The following PKIB variants were observed in gnomAD, a reference collection of about 807,000 sequenced individuals.
The protein encoded by PKIB is PKI-beta.
A neutral mutation model predicts 4.5 loss-of-function variants in PKIB; 2 were observed. That is an observed-to-expected ratio of 0.44 (90% CI 0.18 to 1.39). The LOEUF (loss-of-function observed/expected upper bound fraction) is 1.39, where lower values mean the gene tolerates loss of function less well. PKIB is among the 40% of genes most tolerant of loss of function. The pLI is 0.27. For synonymous variants in PKIB, 38 were observed against 36.0 expected, an observed-to-expected ratio of 1.06 and a Z score of -0.20; for missense variants, 94 against 92.6, an observed-to-expected ratio of 1.02 and a Z score of -0.06.
chr6:122,714,994 C>T (rs1021062494), intron 3 of PKIB, among the ~76,000 whole-genome samples: 1 of 151,672 alleles, frequency 6.6e-6, no homozygotes, highest in African/African-American at 2.4e-5. Context: ...ACCATCTTGG[C>T]CAGGCTGGTC....
At chr6:122,480,710 C>G (rs1046760890) in intron 2 of PKIB, 3 of 151,986 alleles carry the variant, frequency 2.0e-5, no homozygotes, top group Non-Finnish European at 2.9e-5. Context: ...TTTTTTCAAA[C>G]AATTTTTAGT....
At chr6:122,581,592 A>G (rs1476084445) in intron 2 of PKIB, among the ~76,000 whole-genome samples, 1 of 152,198 alleles carries the variant, frequency 6.6e-6, no homozygotes, top group Non-Finnish European at 1.5e-5. Flanking sequence ...CTAAAATTTT[A>G]AGCATCAAGA....
At chr6:122,655,831 T>G (rs1776758155) in intron 2 of PKIB, among the ~76,000 whole-genome samples, 1 of 152,074 alleles carries the variant, frequency 6.6e-6, no homozygotes, top group African/African-American at 2.4e-5. Context: ...TACTAGCCTA[T>G]ATAAGGAAAA....
At chr6:122,720,795 G>A (rs905322331) in intron 4 of PKIB, among the ~76,000 whole-genome samples, 5 of 151,726 alleles carry the variant, frequency 3.3e-5, no homozygotes, top group African/African-American at 7.3e-5. Context: ...TCTGCCTCCC[G>A]GTTTCAAGCG....
intron 1 of PKIB, among the ~76,000 whole-genome samples, chr6:122,626,942 A>T (rs1775470232): frequency 6.6e-6 from 1 of 152,060 alleles, no homozygotes; most frequent in African/African-American, 2.4e-5. Flanking sequence ...ACTCTGAGTA[A>T]CAATCATCTC....
intron 2 of PKIB, chr6:122,479,946 A>G (rs1228572182): frequency 6.6e-6 from 1 of 152,220 alleles, no homozygotes; most frequent in Non-Finnish European, 1.5e-5. Flanking sequence ...TAGAAAAAAT[A>G]ATAGAAAGTT....
At chr6:122,627,434 G>A (rs951603450) in intron 1 of PKIB, among the ~76,000 whole-genome samples, 2 of 152,230 alleles carry the variant, frequency 1.3e-5, no homozygotes, top group East Asian at 1.9e-4. Context: ...TCAATTGAGT[G>A]TATTTACTGT....
At chr6:122,666,080 T>C (rs570017669) in intron 2 of PKIB, among the ~76,000 whole-genome samples, 2 of 152,260 alleles carry the variant, frequency 1.3e-5, no homozygotes, top group South Asian at 4.1e-4. Context: ...ATATAGCTAT[T>C]ATGTTCTAGA....
chr6:122,571,187 A>G (rs1036189526), intron 2 of PKIB, among the ~76,000 whole-genome samples: 6 of 152,264 alleles, frequency 3.9e-5, no homozygotes, highest in Middle Eastern at 3.4e-3. Context: ...AATTAACCCA[A>G]TCAGACAAAG....
intron 3 of PKIB, chr6:122,701,462 G>A (rs1351377498): frequency 1.3e-6 from 2 of 1,589,296 alleles, no homozygotes; most frequent in South Asian, 1.1e-5. Flanking sequence ...GAGATCACCT[G>A]CCAAACACAG....
intron 2 of PKIB, chr6:122,478,534 A>C (rs766978088): frequency 6.6e-6 from 1 of 152,186 alleles, no homozygotes; most frequent in Non-Finnish European, 1.5e-5. Flanking sequence ...TGATACGGGC[A>C]TGGCTGGACA....
chr6:122,580,981 T>C (rs1189238864), intron 2 of PKIB, among the ~76,000 whole-genome samples: 1 of 152,138 alleles, frequency 6.6e-6, no homozygotes, highest in Non-Finnish European at 1.5e-5. Flanking sequence ...TGGTGCAGAT[T>C]CTGTATTACA....
chr6:122,676,254 C>A (rs186381234), intron 3 of PKIB, among the ~76,000 whole-genome samples: 2 of 151,902 alleles, frequency 1.3e-5, no homozygotes, highest in African/African-American at 4.8e-5. Context: ...AGGGCTTATG[C>A]TCCTATGGGA....
At chr6:122,674,383 TGTG>T (rs1372846115) in intron 2 of PKIB, among the ~76,000 whole-genome samples, 2 of 151,710 alleles carry the variant, frequency 1.3e-5, no homozygotes. Context: ...GCAGTGAGAG[TGTG>T]GTGAAGGGAA....
At chr6:122,497,566 A>G (rs1017445329) in intron 2 of PKIB, among the ~76,000 whole-genome samples, 1 of 152,182 alleles carries the variant, frequency 6.6e-6, no homozygotes, top group Non-Finnish European at 1.5e-5. Context: ...ATCAGGGGTC[A>G]TTATTCTTAG....
chr6:122,717,953 C>T lies in PKIB; in HGVS notation c.159C>T (p.Ser53=), dbSNP rs1443358957. ...SDLPLKLEAL[S]VKEDAKEKDE... ...TGCCCCTCAAACTGGAGGCTCTCTCCGTGAAGGAAGGTAATACTCAAAATC... is the reference window on the plus strand; with the variant it reads ...TGCCCCTCAAACTGGAGGCTCTCTCTGTGAAGGAAGGTAATACTCAAAATC... The change falls in exon 4 of 5, where the codon TCC becomes TCT. Residue 53 remains serine, a synonymous_variant. Transcript: ENST00000368452. The T allele has an allele frequency of 1.1e-5, 17 of 1,612,966 alleles. No homozygotes were observed. The highest frequency in any genetic ancestry group is 3.3e-5 in the Admixed American group (2 of 59,970).
chr6:122,672,080 C>G (rs541682198), intron 2 of PKIB, among the ~76,000 whole-genome samples: 1 of 152,238 alleles, frequency 6.6e-6, no homozygotes, highest in Non-Finnish European at 1.5e-5. Context: ...GATGGACAAG[C>G]ACCAAGATGA....
At chr6:122,604,958 A>G (rs1360922415) in intron 3 of PKIB, among the ~76,000 whole-genome samples, 2 of 152,204 alleles carry the variant, frequency 1.3e-5, no homozygotes, top group African/African-American at 2.4e-5. Context: ...CTTACTTTAT[A>G]GACTCTGATC....
rs541525247 is a variant in PKIB at position 122,720,090 on chromosome 6, CAG to C, written c.169+2129_169+2130del. Reference sequence around the variant, plus strand: ...GAAAACTGAAAGCGGGAGTCTGTCTCAGATGTTATGGTTTCAATAATTTATTC... The same window carrying C: ...GAAAACTGAAAGCGGGAGTCTGTCTCATGTTATGGTTTCAATAATTTATTC... On this transcript the variant is annotated intron_variant, in intron 4 of 4. Transcript: ENST00000368452. Among the ~76,000 whole-genome samples the C allele has an allele frequency of 3.5e-4, 54 of 152,258 alleles. 1 individual carries two copies. In the South Asian group the frequency reaches 0.01, roughly 29 times the overall value.
Sources: allele counts gnomAD v4.1 joint callset (sites outside exome capture counted in the v4.1 genomes callset), GRCh38; gene constraint gnomAD v4.1.1; transcripts MANE v1.5; gene names NCBI Gene and HGNC (gene_info 2026-07-23, HGNC 2026-07-21).